The following AKT3 variants were observed in gnomAD, a reference collection of about 807,000 sequenced individuals.
The protein encoded by AKT3 is AKT serine/threonine kinase 3, also known as RAC-gamma serine/threonine-protein kinase.
In AKT3, 15 loss-of-function variants were observed where a neutral mutation model predicts 65.3. The ratio of observed to expected loss-of-function variants is 0.23; its 90% CI spans 0.15 to 0.35. The LOEUF is 0.35. AKT3 is among the 10% of genes least tolerant of loss of function. The probability of loss-of-function intolerance (pLI) is 1.00; values close to 1 mark genes in which losing one functional copy is unlikely to be tolerated. For missense variants in AKT3, 243 were observed against 576.5 expected, an observed-to-expected ratio of 0.42 and a Z score of 5.92; for synonymous variants, 206 against 183.8, an observed-to-expected ratio of 1.12 and a Z score of -0.98.
At chr1:243,596,153 A>T (rs750360814) in intron 8 of AKT3, among the ~76,000 whole-genome samples, 1 of 152,226 alleles carries the variant, frequency 6.6e-6, no homozygotes, top group Non-Finnish European at 1.5e-5. Context: ...GTGACACATA[A>T]CAAATAGGAG....
At chr1:243,798,208 T>C (rs1216362645) in intron 2 of AKT3, among the ~76,000 whole-genome samples, 77 of 8,350 alleles carry the variant, frequency 9.2e-3, no homozygotes, top group African/African-American at 0.013. Flanking sequence ...TGCCAGGCCC[T>C]TTTTTTTTTT....
intron 4 of AKT3, among the ~76,000 whole-genome samples, chr1:243,655,987 A>G (rs1025031864): frequency 4.6e-5 from 7 of 152,032 alleles, no homozygotes; most frequent in Non-Finnish European, 1.0e-4. Context: ...AAAACAAACA[A>G]AAGTCTTTTC....
intron 2 of AKT3, among the ~76,000 whole-genome samples, chr1:243,763,845 T>C (rs560277154): frequency 2.4e-4 from 36 of 152,294 alleles, no homozygotes; most frequent in Non-Finnish European, 4.6e-4. Flanking sequence ...AAACTCCTTT[T>C]CTGTTTATTT....
chr1:243,529,277 C>T (rs1671363877), intron 12 of AKT3, among the ~76,000 whole-genome samples: 1 of 151,528 alleles, frequency 6.6e-6, no homozygotes, highest in African/African-American at 2.4e-5. Context: ...CTGATAGTCT[C>T]TTTTGCTGTG....
At chr1:243,819,487 T>A (rs1693729059) in intron 2 of AKT3, among the ~76,000 whole-genome samples, 1 of 152,198 alleles carries the variant, frequency 6.6e-6, no homozygotes, top group South Asian at 2.1e-4. Flanking sequence ...AATGGAACTC[T>A]GCTCTCCCTG....
intron 2 of AKT3, among the ~76,000 whole-genome samples, chr1:243,772,490 T>C (rs896574252): frequency 6.6e-6 from 1 of 152,182 alleles, no homozygotes; most frequent in Middle Eastern, 3.4e-3. Flanking sequence ...CAATGAGATA[T>C]CATCTCACAT....
intron 8 of AKT3, among the ~76,000 whole-genome samples, chr1:243,602,679 C>T (rs994149706): frequency 2.6e-5 from 4 of 151,886 alleles, no homozygotes; most frequent in Admixed American, 6.6e-5. Context: ...ACCTGAAAGC[C>T]GTATTGCAAA....
At chr1:243,570,723 G>C (rs959632572) in intron 9 of AKT3, among the ~76,000 whole-genome samples, 1 of 152,140 alleles carries the variant, frequency 6.6e-6, no homozygotes, top group African/African-American at 2.4e-5. Context: ...AATAACATGT[G>C]TGTAAGTTTT....
chr1:243,774,482 ATTGT>A (rs1414077349), intron 2 of AKT3, among the ~76,000 whole-genome samples: 4 of 152,132 alleles, frequency 2.6e-5, no homozygotes, highest in African/African-American at 4.8e-5. Context: ...TCTCTCTATA[ATTGT>A]TTGTATTTTT....
intron 1 of AKT3, among the ~76,000 whole-genome samples, chr1:243,848,814 T>C (rs913547894): frequency 1.2e-4 from 19 of 152,268 alleles, no homozygotes; most frequent in African/African-American, 4.3e-4. Context: ...GTTTCACTGT[T>C]GACTTTCTAT....
chr1:243,521,424 A>G (rs965778435), intron 12 of AKT3, among the ~76,000 whole-genome samples: 1 of 152,216 alleles, frequency 6.6e-6, no homozygotes, highest in African/African-American at 2.4e-5. Context: ...CGCTTTGTGT[A>G]TATGTAGGTG....
chr1:243,770,734 G>A (rs1032920294), intron 2 of AKT3, among the ~76,000 whole-genome samples: 189 of 138,886 alleles, frequency 1.4e-3, no homozygotes, highest in Non-Finnish European at 1.5e-3. Context: ...ATTCTAAATA[G>A]AAAAAAAAAA....
At chr1:243,661,799 C>G (rs1273722822) in intron 4 of AKT3, among the ~76,000 whole-genome samples, 2,606 of 78,810 alleles carry the variant, frequency 0.033, no homozygotes, top group Admixed American at 0.049. Flanking sequence ...TTTTCACAAC[C>G]TACTCATCTG....
chr1:243,656,785 C>T (rs962306561), intron 4 of AKT3, among the ~76,000 whole-genome samples: 1 of 152,136 alleles, frequency 6.6e-6, no homozygotes, highest in African/African-American at 2.4e-5. Flanking sequence ...GTGTGAGTGT[C>T]GTGGCCATGG....
intron 2 of AKT3, among the ~76,000 whole-genome samples, chr1:243,776,961 A>C (rs184255626): frequency 1.1e-4 from 16 of 152,338 alleles, no homozygotes; most frequent in African/African-American, 3.1e-4. Flanking sequence ...TGGTGAAATA[A>C]ACAGAAAACC....
At chr1:243,691,074 G>A (rs1684658989) in intron 3 of AKT3, among the ~76,000 whole-genome samples, 2 of 152,176 alleles carry the variant, frequency 1.3e-5, no homozygotes, top group South Asian at 2.1e-4. Flanking sequence ...AAGAAGGGCA[G>A]AGAGGACTAA....
intron 4 of AKT3, among the ~76,000 whole-genome samples, chr1:243,660,344 T>A (rs1258306942): frequency 6.6e-6 from 1 of 152,146 alleles, no homozygotes; most frequent in African/African-American, 2.4e-5. Context: ...CAGCAGCACA[T>A]CAAAAAGCTT....
At chr1:243,552,432 C>G (rs1673150359) in intron 11 of AKT3, among the ~76,000 whole-genome samples, 1 of 151,206 alleles carries the variant, frequency 6.6e-6, no homozygotes, top group Admixed American at 6.6e-5. Context: ...AGTGATTCTT[C>G]TATCCCCACA....
At chr1:243,649,327 G>A (rs868536248) in intron 4 of AKT3, among the ~76,000 whole-genome samples, 103 of 148,244 alleles carry the variant, frequency 6.9e-4, no homozygotes, top group Middle Eastern at 6.9e-3. Context: ...GTGTGTGTGT[G>A]TGTGTGTGTG....
Sources: gnomAD v4.1 joint callset for allele counts (sites outside exome capture counted in the v4.1 genomes callset) on GRCh38, gnomAD v4.1.1 for gene constraint, MANE v1.5 for transcripts, NCBI Gene and HGNC (gene_info 2026-07-23, HGNC 2026-07-21) for gene names.